Variants in RAC1 observed in about 807,000 individuals in gnomAD.
RAC1 encodes Rac family small GTPase 1, also known as ras-related C3 botulinum toxin substrate 1.
In RAC1, 2 loss-of-function variants were observed where a neutral mutation model predicts 25.2. That is an observed-to-expected ratio of 0.08 (90% CI 0.03 to 0.25). The LOEUF is 0.25. Ranked by LOEUF, RAC1 falls within the 10% of genes least tolerant of loss-of-function variation. The pLI, the probability that RAC1 is intolerant of heterozygous loss-of-function variation, is 1.00. For missense variants in RAC1, 50 were observed against 235.7 expected (o/e 0.21, Z 5.16); for synonymous variants, 88 against 94.0 (o/e 0.94, Z 0.37).
At chr7:6,377,101 T>A (rs1214273867) in intron 1 of RAC1, among the ~76,000 whole-genome samples, 1 of 152,092 alleles carries the variant, frequency 6.6e-6, no homozygotes, top group East Asian at 1.9e-4. Flanking sequence ...CCTTGCTGAA[T>A]GCTTAGTAAA....
At chr7:6,400,334 TTTTTC>T (rs1484304634) in intron 4 of RAC1, 146 bp downstream of exon 4, 15 of 760,088 alleles carry the variant, frequency 2.0e-5, no homozygotes, top group South Asian at 3.5e-5. Context: ...TGGGTTTTTT[TTTTTC>T]TTTTGAGACG....
intron 3 of RAC1, among the ~76,000 whole-genome samples, chr7:6,395,826 A>C (rs1320490535): frequency 6.6e-6 from 1 of 152,232 alleles, no homozygotes; most frequent in Non-Finnish European, 1.5e-5. Context: ...TAAAATTCCA[A>C]ACTTGAAAGT....
intron 3 of RAC1, among the ~76,000 whole-genome samples, chr7:6,393,755 CTG>C (rs937079137): frequency 2.0e-4 from 31 of 152,284 alleles, no homozygotes; most frequent in African/African-American, 7.2e-4. Context: ...GTCCCATAAA[CTG>C]TGTAAGACAC....
chr7:6,391,065 T>A (rs1783078802), intron 2 of RAC1, among the ~76,000 whole-genome samples: 1 of 152,142 alleles, frequency 6.6e-6, no homozygotes, highest in African/African-American at 2.4e-5. Flanking sequence ...CCCTGGCTAA[T>A]TTTTGCATTT....
chr7:6,400,331 T>C (rs1783361916), intron 4 of RAC1, 143 bp downstream of exon 4: 1 of 756,740 alleles, frequency 1.3e-6, no homozygotes, highest in Admixed American at 2.7e-5. Context: ...GATTGGGTTT[T>C]TTTTTTTCTT....
Position 6,399,845 on chromosome 7 carries a change from C to T in RAC1, c.226-281C>T, listed in dbSNP as rs530016378. The stretch of plus-strand genomic sequence containing the variant: ...TTAGATAGTTAGGCGTAAAGGAAGC[C>T]TCCTGAGGGTCTGGTCTGATCCTCC... On this transcript the variant is annotated intron_variant, in intron 3 of 5. Transcript: ENST00000348035. 23 of 428,688 alleles carry T rather than the reference C, an allele frequency of 5.4e-5. 1 individual carries two copies. Among genetic ancestry groups the T allele is most frequent in the Non-Finnish European group, 1.2e-5 (3 of 240,150 alleles). 26.6% of individuals were successfully genotyped at this position (428,688 alleles called of 1,614,324 possible).
rs1054079421 is a variant in RAC1 at position 6,391,909 on chromosome 7, C to G, written c.108-15C>G. 3 of 1,614,020 alleles carry G rather than the reference C, an allele frequency of 1.9e-6. No homozygotes were observed. The African/African-American group carries it at 4.0e-5, about 22-fold the overall frequency. ...TTCTACACCTGTGACTAACCATTTTCATTCCATTCTACAGCTTTGACAATT... is the reference window on the plus strand; with the variant it reads ...TTCTACACCTGTGACTAACCATTTTGATTCCATTCTACAGCTTTGACAATT... On this transcript the variant is annotated splice_polypyrimidine_tract_variant and intron_variant, in intron 2 of 5. Transcript: ENST00000348035.
intron 2 of RAC1, among the ~76,000 whole-genome samples, chr7:6,388,256 C>T (rs769241564): frequency 7.2e-5 from 11 of 151,894 alleles, no homozygotes; most frequent in Non-Finnish European, 1.3e-4. Context: ...GCCTCCTCCC[C>T]ACCTGTGTTC....
At chr7:6,398,647 C>T (rs1194993090) in intron 3 of RAC1, 3 of 1,612,006 alleles carry the variant, frequency 1.9e-6, no homozygotes, top group Non-Finnish European at 1.7e-6. Context: ...AAACCAAGTT[C>T]TCATGCATTA....
At chr7:6,399,108 C>T (rs1562469806) in intron 3 of RAC1, among the ~76,000 whole-genome samples, 1 of 152,132 alleles carries the variant, frequency 6.6e-6, no homozygotes, top group Non-Finnish European at 1.5e-5. Context: ...GTGGGGCTGT[C>T]TGGGCGTGGC....
chr7:6,390,119 A>G (rs1347005582), intron 2 of RAC1, among the ~76,000 whole-genome samples: 18 of 12,572 alleles, frequency 1.4e-3, no homozygotes, highest in African/African-American at 9.7e-3. Context: ...TTTTTTTTTG[A>G]GATGGGGTCT....
At chr7:6,391,155 C>T (rs1424312200) in intron 2 of RAC1, among the ~76,000 whole-genome samples, 3 of 152,178 alleles carry the variant, frequency 2.0e-5, no homozygotes, top group African/African-American at 7.2e-5. Context: ...ACCTCGGCCT[C>T]CCAAAGTGCT....
chr7:6,381,466 C>T (rs1437607468), intron 1 of RAC1, among the ~76,000 whole-genome samples: 4 of 150,526 alleles, frequency 2.7e-5, no homozygotes, highest in Non-Finnish European at 1.5e-5. Context: ...GAAATCAGCT[C>T]ACTGCAACCT....
chr7:6,398,559 A>C (rs1464752818), intron 3 of RAC1: 1 of 989,568 alleles, frequency 1.0e-6, no homozygotes, highest in Non-Finnish European at 1.5e-6. Flanking sequence ...ATCTCTCCGG[A>C]GGGTTAAGAC....
intron 1 of RAC1, among the ~76,000 whole-genome samples, chr7:6,382,606 G>A (rs1447656222): frequency 1.3e-5 from 2 of 152,236 alleles, no homozygotes; most frequent in Admixed American, 6.5e-5. Flanking sequence ...GCTCACGCCT[G>A]TAACCCCAGC....
chr7:6,384,144 C>A (rs934499968), intron 1 of RAC1, among the ~76,000 whole-genome samples: 1 of 152,064 alleles, frequency 6.6e-6, no homozygotes. Context: ...GCTCCACTTT[C>A]TTCCTCAGCT....
chr7:6,397,293 T>A (rs1245953621), intron 3 of RAC1, among the ~76,000 whole-genome samples: 5 of 145,936 alleles, frequency 3.4e-5, no homozygotes, highest in Non-Finnish European at 7.5e-5. Flanking sequence ...GAGATGAAAT[T>A]AAAATAATTT....
At chr7:6,401,291 C>T (rs1306049277) in intron 4 of RAC1, among the ~76,000 whole-genome samples, 1 of 152,156 alleles carries the variant, frequency 6.6e-6, no homozygotes. Context: ...GGTTCTGGTT[C>T]AGAAGTTTCC....
At chr7:6,380,543 A>G (rs749068171) in intron 1 of RAC1, among the ~76,000 whole-genome samples, 2 of 152,192 alleles carry the variant, frequency 1.3e-5, no homozygotes, top group African/African-American at 4.8e-5. Flanking sequence ...AGTACTGCCT[A>G]CTTTTTCACA....
Sources: gnomAD v4.1 joint callset for allele counts (sites outside exome capture counted in the v4.1 genomes callset) on GRCh38, gnomAD v4.1.1 for gene constraint, MANE v1.5 for transcripts, NCBI Gene and HGNC (gene_info 2026-07-23, HGNC 2026-07-21) for gene names.